BCR: variants seen among roughly 807,000 people sequenced by gnomAD.
BCR encodes the protein breakpoint cluster region protein.
BCR carries 58 observed loss-of-function variants against 138.6 expected under a neutral mutation model. The observed-to-expected ratio is 0.42, with a 90% CI of 0.34 to 0.52. The LOEUF is 0.52. BCR is among the 20% of genes least tolerant of loss of function. The pLI, the probability that BCR is intolerant of heterozygous loss-of-function variation, is 0.06. For missense variants in BCR, 1,599 were observed against 1,727.2 expected (o/e 0.93, Z 1.32); for synonymous variants, 786 against 730.1 (o/e 1.08, Z -1.23).
intron 1 of BCR, among the ~76,000 whole-genome samples, chr22:23,248,199 C>T (rs2073176976): frequency 6.6e-6 from 1 of 152,090 alleles, no homozygotes; most frequent in South Asian, 2.1e-4. Context: ...CGAAAATTAG[C>T]TGGGTGTGGT....
At position 23,316,684 on chromosome 22, in the gene BCR, G is replaced by A. The variant is rs1488803536; in HGVS notation, c.*1162G>A. 1.4e-5 allele frequency: 2 copies of A among 139,912 alleles called. No individual in the cohort carries two copies. The highest frequency in any genetic ancestry group is 6.5e-5 in the African/African-American group (2 of 30,674). 8.7% of individuals were successfully genotyped at this position (139,912 alleles called of 1,614,324 possible). ...TGGGTTCTGAAGTCTCTGGAGAACA[G>A]GATACGTGGAGGGTTAGGAAGGGGC... On this transcript the variant is annotated 3_prime_UTR_variant, in exon 23 of 23. Transcript: ENST00000305877.
At chr22:23,276,449 G>A (rs892694713) in intron 8 of BCR, among the ~76,000 whole-genome samples, 2 of 151,922 alleles carry the variant, frequency 1.3e-5, no homozygotes, top group South Asian at 4.2e-4. Context: ...AAAGGCAGGG[G>A]CCTGGATCTG....
Position 23,284,055 on chromosome 22 carries a change from A to G in BCR, c.2194A>G (p.Thr732Ala). 1 of 1,610,536 alleles carries G rather than the reference A, an allele frequency of 6.2e-7. No individual in the cohort carries two copies. The highest frequency in any genetic ancestry group is 8.5e-7 in the Non-Finnish European group (1 of 1,178,662). The stretch of plus-strand genomic sequence containing the variant: ...CAAGCTGCGCCACGTCTTCCTGTTC[A>G]CCGACCTGCTTCTCTGCACCAAGCT... Reference protein sequence around the residue: ...ARKLRHVFLFTDLLLCTKLKK... With the variant: ...ARKLRHVFLFADLLLCTKLKK... The change falls in exon 9 of 23, where the codon ACC becomes GCC. Residue 732 changes from threonine (T) to alanine (A), a missense_variant. Physicochemically the swap from Thr to Ala is moderately conservative, Grantham distance 58. Coordinates refer to ENST00000305877, the MANE Select transcript of BCR (RefSeq NM_004327.4).
chr22:23,234,041 C>T (rs1313344170), intron 1 of BCR, among the ~76,000 whole-genome samples: 5 of 151,894 alleles, frequency 3.3e-5, no homozygotes, highest in East Asian at 1.9e-4. Context: ...AGCCCCAGGC[C>T]GAGTCCTCTG....
chr22:23,262,868 C>A, intron 4 of BCR: 1 of 1,053,248 alleles, frequency 9.5e-7, no homozygotes, highest in South Asian at 4.0e-5. Flanking sequence ...CCGCAGACGG[C>A]GAAGGAGGCA....
intron 1 of BCR, among the ~76,000 whole-genome samples, chr22:23,183,734 A>G (rs2072301375): frequency 6.6e-6 from 1 of 152,130 alleles, no homozygotes; most frequent in African/African-American, 2.4e-5. Flanking sequence ...TAAAGAAGAA[A>G]ATGAGAGGTT....
At chr22:23,185,437 G>T (rs1001873349) in intron 1 of BCR, among the ~76,000 whole-genome samples, 2 of 152,106 alleles carry the variant, frequency 1.3e-5, no homozygotes, top group Non-Finnish European at 2.9e-5. Context: ...AGTCCAAGGC[G>T]GGTGGATCAC....
At chr22:23,232,500 G>A (rs2072970420) in intron 1 of BCR, among the ~76,000 whole-genome samples, 1 of 152,154 alleles carries the variant, frequency 6.6e-6, no homozygotes, top group South Asian at 2.1e-4. Flanking sequence ...TTTGGGAGTG[G>A]GGGGTGCACC....
chr22:23,231,808 GC>G, intron 1 of BCR, among the ~76,000 whole-genome samples: 1 of 152,222 alleles, frequency 6.6e-6, no homozygotes, highest in Non-Finnish European at 1.5e-5. Context: ...CAACCTTTAT[GC>G]CCCGTTTTTA....
intron 1 of BCR, among the ~76,000 whole-genome samples, chr22:23,249,665 C>A (rs905701175): frequency 1.3e-5 from 2 of 151,876 alleles, no homozygotes; most frequent in African/African-American, 4.8e-5. Context: ...TTTGAAAAAG[C>A]AGGTTCCTGT....
intron 8 of BCR, among the ~76,000 whole-genome samples, chr22:23,279,573 C>T (rs1602097370): frequency 6.6e-6 from 1 of 152,220 alleles, no homozygotes; most frequent in African/African-American, 2.4e-5. Flanking sequence ...CCACTGGCTG[C>T]CTCCAGGGCC....
intron 1 of BCR, among the ~76,000 whole-genome samples, chr22:23,198,675 TGTG>T (rs1391135780): frequency 6.6e-6 from 1 of 152,030 alleles, no homozygotes; most frequent in Non-Finnish European, 1.5e-5. Flanking sequence ...AGCCTGGCCT[TGTG>T]GGGCTGTGGA....
chr22:23,285,228 G>T, intron 10 of BCR, 27 bp downstream of exon 10: 1 of 1,595,456 alleles, frequency 6.3e-7, no homozygotes, highest in Non-Finnish European at 8.5e-7. Context: ...CAAGGGCCGG[G>T]TTTGGTGTGG....
At chr22:23,251,553 A>G (rs1038802866) in intron 1 of BCR, among the ~76,000 whole-genome samples, 1 of 152,220 alleles carries the variant, frequency 6.6e-6, no homozygotes, top group African/African-American at 2.4e-5. Context: ...CTCCAGACAC[A>G]CGGCTCTCCC....
chr22:23,199,808 G>C (rs1004576918), intron 1 of BCR, among the ~76,000 whole-genome samples: 1 of 152,100 alleles, frequency 6.6e-6, no homozygotes, highest in African/African-American at 2.4e-5. Flanking sequence ...AGACAAGGCG[G>C]GGCCAGGCGC....
intron 1 of BCR, among the ~76,000 whole-genome samples, chr22:23,248,294 A>G (rs1274416425): frequency 6.6e-6 from 1 of 151,934 alleles, no homozygotes; most frequent in African/African-American, 2.4e-5. Context: ...CAGTGAGCCA[A>G]GATCGCGCCA....
intron 1 of BCR, among the ~76,000 whole-genome samples, chr22:23,234,608 A>G (rs1301143034): frequency 6.6e-6 from 1 of 152,184 alleles, no homozygotes; most frequent in Admixed American, 6.5e-5. Flanking sequence ...GGATGGGGCT[A>G]TCAGAATGGT....
At chr22:23,260,528 A>G (rs961322071) in intron 2 of BCR, among the ~76,000 whole-genome samples, 1 of 152,128 alleles carries the variant, frequency 6.6e-6, no homozygotes, top group Non-Finnish European at 1.5e-5. Flanking sequence ...AGCAGTGGGG[A>G]GTGGAGTTTG....
At chr22:23,262,234 T>A (rs2073369211) in intron 4 of BCR, among the ~76,000 whole-genome samples, 1 of 152,230 alleles carries the variant, frequency 6.6e-6, no homozygotes. Flanking sequence ...CCTCTAAGTG[T>A]GAAGAGCATG....
Sources: allele counts gnomAD v4.1 joint callset (sites outside exome capture counted in the v4.1 genomes callset), GRCh38; gene constraint gnomAD v4.1.1; transcripts MANE v1.5; gene names NCBI Gene and HGNC (gene_info 2026-07-23, HGNC 2026-07-21).